The following ANKRD17 variants were observed in gnomAD, a reference collection of about 807,000 sequenced individuals.
The protein encoded by ANKRD17 is ankyrin repeat domain 17.
A neutral mutation model predicts 229.7 loss-of-function variants in ANKRD17; 19 were observed. The ratio of observed to expected loss-of-function variants is 0.08; its 90% CI spans 0.06 to 0.12. ANKRD17 has a LOEUF of 0.12. Among genes scored for constraint, ANKRD17 ranks in the 10% least tolerant of loss-of-function variants. The probability of loss-of-function intolerance (pLI) is 1.00; values close to 1 mark genes in which losing one functional copy is unlikely to be tolerated. For missense variants in ANKRD17, 2,176 were observed against 3,176.8 expected (o/e 0.68, Z 7.57); for synonymous variants, 1,112 against 1,146.1 (o/e 0.97, Z 0.60).
At chr4:73,254,378 C>T (rs920189293) in intron 1 of ANKRD17, among the ~76,000 whole-genome samples, 2 of 152,184 alleles carry the variant, frequency 1.3e-5, no homozygotes, top group African/African-American at 4.8e-5. Flanking sequence ...AGGTTACTTA[C>T]AAAAACAGAT....
chr4:73,241,580 C>A (rs1388964680), intron 1 of ANKRD17, among the ~76,000 whole-genome samples: 1 of 152,140 alleles, frequency 6.6e-6, no homozygotes, highest in Non-Finnish European at 1.5e-5. Context: ...AAATAAACCA[C>A]TTACTCTAAC....
At chr4:73,137,966 A>G (rs988068223) in intron 15 of ANKRD17, among the ~76,000 whole-genome samples, 12 of 152,158 alleles carry the variant, frequency 7.9e-5, no homozygotes, top group South Asian at 2.1e-4. Flanking sequence ...GTAAACTCTG[A>G]TATTATATAA....
chr4:73,179,518 A>ATTTTTTTT lies in ANKRD17; in HGVS notation c.394-1993_394-1986dup, dbSNP rs56182757. 2.5e-3 allele frequency among the ~76,000 whole-genome samples: 100 copies of ATTTTTTTT among 40,776 alleles called. 1 individual carries two copies. The highest frequency in any genetic ancestry group is 5.3e-3 in the East Asian group (6 of 1,128). The allele number at this position is 40,776 out of a possible 152,430, so 26.8% of individuals were successfully genotyped here. Reference sequence around the variant, plus strand: ...TATATATATATATATATATATATATATTTTTTTTTTTTTTTTTAAAGAGAC... The same window carrying ATTTTTTTT: ...TATATATATATATATATATATATATATTTTTTTTTTTTTTTTTTTTTTTTTAAAGAGAC... On this transcript the variant is annotated intron_variant, in intron 1 of 33. Transcript: ENST00000358602.
In ANKRD17 at chr4:73,153,939, C is replaced by G; in HGVS notation, c.1175G>C (p.Gly392Ala). The change falls in exon 6 of 34, where the codon GGC becomes GCC. Residue 392 changes from glycine (G) to alanine (A), a missense_variant. By Grantham distance (60) the Gly-to-Ala change is moderately conservative. Coordinates refer to ENST00000358602, the MANE Select transcript of ANKRD17 (RefSeq NM_032217.5). ...AAATTCATTAGAATGCGTATTAATGCCAGCCCCATTTTCTAGCAGCAATCT... is the reference window on the plus strand; with the variant it reads ...AAATTCATTAGAATGCGTATTAATGGCAGCCCCATTTTCTAGCAGCAATCT... ...VARLLLENGA[G>A]INTHSNEFKE... The G allele has an allele frequency of 6.2e-7, 1 of 1,612,190 alleles. No homozygotes were observed. The highest frequency in any genetic ancestry group is 8.5e-7 in the Non-Finnish European group (1 of 1,179,044).
intron 1 of ANKRD17, among the ~76,000 whole-genome samples, chr4:73,218,061 A>G (rs1741323941): frequency 6.6e-6 from 1 of 152,206 alleles, no homozygotes; most frequent in African/African-American, 2.4e-5. Context: ...ATGTGTATAC[A>G]CACGCGTATG....
chr4:73,198,266 T>TA (rs1738166286), intron 1 of ANKRD17, among the ~76,000 whole-genome samples: 1 of 152,202 alleles, frequency 6.6e-6, no homozygotes, highest in African/African-American at 2.4e-5. Flanking sequence ...ATAATCATCA[T>TA]TTAATTGGCA....
chr4:73,125,765 G>GA (rs1553918525), intron 16 of ANKRD17, among the ~76,000 whole-genome samples: 1 of 149,444 alleles, frequency 6.7e-6, no homozygotes, highest in Non-Finnish European at 1.5e-5. Flanking sequence ...GAAAAGAAAA[G>GA]CAAGGTTTAC....
At chr4:73,227,728 T>C (rs377678744) in intron 1 of ANKRD17, among the ~76,000 whole-genome samples, 3 of 152,196 alleles carry the variant, frequency 2.0e-5, no homozygotes, top group East Asian at 3.9e-4. Context: ...CTAGATTGAA[T>C]GAAAGAATCT....
intron 28 of ANKRD17, among the ~76,000 whole-genome samples, chr4:73,093,173 CTT>C (rs1396183048): frequency 2.0e-5 from 3 of 152,162 alleles, no homozygotes; most frequent in Admixed American, 1.3e-4. Context: ...CTCATACAAA[CTT>C]ATATCTGCCA....
At chr4:73,127,943 A>T (rs1351870864) in intron 16 of ANKRD17, among the ~76,000 whole-genome samples, 1 of 152,248 alleles carries the variant, frequency 6.6e-6, no homozygotes, top group Non-Finnish European at 1.5e-5. Context: ...CTAGTCAGTG[A>T]TGAAGAGGGA....
intron 1 of ANKRD17, among the ~76,000 whole-genome samples, chr4:73,256,955 T>C (rs957508129): frequency 5.3e-5 from 8 of 152,226 alleles, no homozygotes; most frequent in Non-Finnish European, 8.8e-5. Context: ...CTTCTACAAA[T>C]AGACATGTGT....
chr4:73,238,329 T>TA (rs1013682056), intron 1 of ANKRD17, among the ~76,000 whole-genome samples: 1 of 152,156 alleles, frequency 6.6e-6, no homozygotes, highest in African/African-American at 2.4e-5. Context: ...TTAAGAGGTA[T>TA]AGGAGGGTCT....
At chr4:73,119,093 C>T (rs1456333158) in intron 21 of ANKRD17, among the ~76,000 whole-genome samples, 2 of 151,608 alleles carry the variant, frequency 1.3e-5, no homozygotes, top group Non-Finnish European at 2.9e-5. Flanking sequence ...TCCTATGTTA[C>T]CCAGGCTGGT....
At chr4:73,085,555 T>TA in intron 29 of ANKRD17, 109 bp from the exon 30 acceptor site, 1 of 1,007,132 alleles carries the variant, frequency 9.9e-7, no homozygotes, top group East Asian at 2.6e-5. Context: ...TTTAGATAAT[T>TA]AAAAAAATCC....
At chr4:73,223,310 A>G (rs1367906701) in intron 1 of ANKRD17, among the ~76,000 whole-genome samples, 1 of 152,218 alleles carries the variant, frequency 6.6e-6, no homozygotes, top group Non-Finnish European at 1.5e-5. Context: ...AAATCCTAAA[A>G]TTTCAAAAAA....
intron 1 of ANKRD17, among the ~76,000 whole-genome samples, chr4:73,199,114 A>G (rs1388611014): frequency 2.6e-5 from 4 of 152,130 alleles, no homozygotes; most frequent in Non-Finnish European, 5.9e-5. Context: ...ACAAGACATC[A>G]GCAATCATGT....
At chr4:73,174,185 C>T (rs1040549356) in intron 2 of ANKRD17, among the ~76,000 whole-genome samples, 2 of 151,042 alleles carry the variant, frequency 1.3e-5, no homozygotes, top group Non-Finnish European at 3.0e-5. Flanking sequence ...AAATCCTCAA[C>T]AAAATACTAG....
chr4:73,196,261 G>A (rs66550905), intron 1 of ANKRD17, among the ~76,000 whole-genome samples: 19,169 of 152,150 alleles, frequency 0.13, 1,612 homozygotes, highest in East Asian at 0.27. Flanking sequence ...GCCTCCCGAA[G>A]TGTTGGGATT....
At chr4:73,251,105 T>TAC (rs965339590) in intron 1 of ANKRD17, among the ~76,000 whole-genome samples, 18 of 152,102 alleles carry the variant, frequency 1.2e-4, no homozygotes. Context: ...ACGCCATCTC[T>TAC]ACACACACAC....
Sources: gnomAD v4.1 joint callset for allele counts (sites outside exome capture counted in the v4.1 genomes callset) on GRCh38, gnomAD v4.1.1 for gene constraint, MANE v1.5 for transcripts, NCBI Gene and HGNC (gene_info 2026-07-23, HGNC 2026-07-21) for gene names.